Variants in SUGP2 observed in about 807,000 individuals in gnomAD.
SUGP2 encodes the protein SURP and G-patch domain-containing protein 2.
In SUGP2, 24 loss-of-function variants were observed where a neutral mutation model predicts 90.5. That is an observed-to-expected ratio of 0.27 (90% confidence interval 0.19 to 0.37). The LOEUF (loss-of-function observed/expected upper bound fraction) is 0.37. Ranked by LOEUF, SUGP2 falls within the 10% of genes least tolerant of loss-of-function variation. SUGP2 has a pLI of 1.00. For missense variants in SUGP2, 1,233 were observed against 1,363.3 expected (o/e 0.90, Z 1.51); for synonymous variants, 473 against 513.4 (o/e 0.92, Z 1.06).
At chr19:18,994,198 A>C (rs2057477322) in intron 10 of SUGP2, 168 bp downstream of exon 10, 1 of 905,932 alleles carries the variant, frequency 1.1e-6, no homozygotes, top group Admixed American at 2.3e-5. Flanking sequence ...AGAATGGGGC[A>C]TATCCACATC....
chr19:18,999,199 A>C (rs922652293), intron 8 of SUGP2, among the ~76,000 whole-genome samples: 12 of 152,128 alleles, frequency 7.9e-5, no homozygotes, highest in African/African-American at 2.9e-4. Context: ...GCTGGAGGAA[A>C]GCCAAGCCCT....
chr19:19,014,161 T>A (rs1237023898), intron 4 of SUGP2, among the ~76,000 whole-genome samples: 2 of 152,154 alleles, frequency 1.3e-5, no homozygotes, highest in African/African-American at 4.8e-5. Context: ...GCCCAGCTAA[T>A]TTTTTATTTT....
Position 19,009,918 on chromosome 19 carries a change from T to C in SUGP2, c.2275A>G (p.Lys759Glu). The stretch of plus-strand genomic sequence containing the variant: ...TCAGAGATGTCCACTCCTGCTGGCT[T>C]GGGGGATGGGCCTGAGGCTTCTAAG... ...PSLEASGPSP[K>E]PAGVDISEAP... The change falls in exon 5 of 11, where the codon AAG becomes GAG. Residue 759 changes from lysine (K) to glutamate (E), a missense_variant. Transcript: ENST00000452918. 1 of 1,614,036 alleles carries C rather than the reference T, an allele frequency of 6.2e-7. No homozygotes were observed. Among genetic ancestry groups the C allele is most frequent in the Non-Finnish European group, 8.5e-7 (1 of 1,179,968 alleles).
intron 2 of SUGP2, among the ~76,000 whole-genome samples, chr19:19,029,443 CTT>C (rs1275537915): frequency 4.0e-5 from 5 of 126,350 alleles, no homozygotes; most frequent in Admixed American, 8.3e-5. Context: ...CATTTTTTTT[CTT>C]TTTTTTTTTT....
At chr19:19,015,420 C>T (rs751565630) in intron 4 of SUGP2, among the ~76,000 whole-genome samples, 1 of 152,168 alleles carries the variant, frequency 6.6e-6, no homozygotes, top group African/African-American at 2.4e-5. Context: ...CAAACATGCA[C>T]ACCAGAAACC....
chr19:18,999,328 G>A (rs1299731227), intron 8 of SUGP2, among the ~76,000 whole-genome samples: 1 of 152,168 alleles, frequency 6.6e-6, no homozygotes, highest in Non-Finnish European at 1.5e-5. Context: ...AGCATGTGCA[G>A]GACACCCACC....
At position 19,031,042 on chromosome 19, in the gene SUGP2, A is replaced by G. The variant is rs2059130901; in HGVS notation, c.30T>C (p.Thr10=). MAARRITQE[T]FDAVLQEKAK... ...CTTTTTCTTGTAATACAGCATCAAAAGTCTCCTGTGTAATTCGTCTGGCTG... is the reference window on the plus strand; with the variant it reads ...CTTTTTCTTGTAATACAGCATCAAAGGTCTCCTGTGTAATTCGTCTGGCTG... The change falls in exon 2 of 11, where the codon ACT becomes ACC. Residue 10 remains threonine (T), a synonymous_variant. Coordinates refer to ENST00000452918, the MANE Select transcript of SUGP2 (RefSeq NM_001017392.5). 1 of 1,613,768 alleles carries G rather than the reference A, an allele frequency of 6.2e-7. No individual in the cohort carries two copies. The highest frequency in any genetic ancestry group is 1.3e-5 in the African/African-American group (1 of 74,906).
chr19:19,023,080 C>T (rs953909260), intron 3 of SUGP2, among the ~76,000 whole-genome samples: 4 of 152,144 alleles, frequency 2.6e-5, no homozygotes, highest in African/African-American at 9.7e-5. Flanking sequence ...TCCTCCTTGG[C>T]CTTTTCCTCT....
chr19:18,996,528 G>A (rs1387168375), intron 8 of SUGP2, among the ~76,000 whole-genome samples: 1 of 151,778 alleles, frequency 6.6e-6, no homozygotes, highest in Non-Finnish European at 1.5e-5. Flanking sequence ...TGGAACTATA[G>A]GTATGTGCCA....
intron 8 of SUGP2, among the ~76,000 whole-genome samples, chr19:18,996,609 G>A (rs1448987035): frequency 6.6e-6 from 1 of 151,930 alleles, no homozygotes; most frequent in Non-Finnish European, 1.5e-5. Context: ...CTGGAGTGCA[G>A]TGATGCAATC....
intron 3 of SUGP2, among the ~76,000 whole-genome samples, 166 bp from the exon 4 acceptor site, chr19:19,019,395 T>C (rs1438285137): frequency 6.6e-6 from 1 of 152,064 alleles, no homozygotes; most frequent in Non-Finnish European, 1.5e-5. Context: ...ACAACCAATA[T>C]GGAAAATCTC....
intron 8 of SUGP2, among the ~76,000 whole-genome samples, chr19:18,999,597 C>A (rs2057750437): frequency 6.6e-6 from 1 of 152,218 alleles, no homozygotes. Flanking sequence ...TCAGTAAGGA[C>A]TATGAGCTCT....
chr19:19,017,687 G>A (rs889812189), intron 4 of SUGP2, among the ~76,000 whole-genome samples: 1 of 152,002 alleles, frequency 6.6e-6, no homozygotes, highest in Non-Finnish European at 1.5e-5. Flanking sequence ...CACAAGAATT[G>A]CTTGAACCTG....
chr19:18,999,644 G>C (rs2057752465), intron 8 of SUGP2, among the ~76,000 whole-genome samples: 1 of 152,138 alleles, frequency 6.6e-6, no homozygotes, highest in Admixed American at 6.5e-5. Flanking sequence ...CCATAATTGG[G>C]GTCAGACTGA....
intron 2 of SUGP2, 117 bp from the exon 3 acceptor site, chr19:19,026,343 C>T (rs1026131943): frequency 5.1e-6 from 5 of 971,386 alleles, no homozygotes; most frequent in South Asian, 1.9e-5. Flanking sequence ...CTGCTTTATA[C>T]ACCTCAGTGC....
At chr19:19,004,039 G>T in intron 7 of SUGP2, 129 bp downstream of exon 7, 2 of 706,638 alleles carry the variant, frequency 2.8e-6, no homozygotes, top group Non-Finnish European at 4.7e-6. Flanking sequence ...CATGAGTGTC[G>T]GCTCACATTT....
intron 4 of SUGP2, among the ~76,000 whole-genome samples, chr19:19,015,653 G>A (rs2058472451): frequency 6.6e-6 from 1 of 152,220 alleles, no homozygotes; most frequent in South Asian, 2.1e-4. Flanking sequence ...ACAGGCGCCT[G>A]TCACCATGCC....
chr19:18,991,142 C>A lies in SUGP2; in HGVS notation c.*2599G>T, dbSNP rs895317787. ...ATGCCTGTTGTCCTCTCGGGGGTGA[C>A]CCTGGAACTAGAACGACAGAAAAGA... On this transcript the variant is annotated 3_prime_UTR_variant, in exon 11 of 11. Transcript: ENST00000452918. 5 of 152,088 alleles carry A rather than the reference C, an allele frequency of 3.3e-5. No individual in the cohort carries two copies. The highest frequency in any genetic ancestry group is 1.2e-4 in the African/African-American group (5 of 41,400). The allele number at this position is 152,088 out of a possible 1,614,324, so 9.4% of individuals were successfully genotyped here. A position where few individuals can be genotyped will look rare whatever the true frequency, so the allele number is the denominator to read the frequency against.
intron 4 of SUGP2, among the ~76,000 whole-genome samples, chr19:19,014,453 G>A (rs1326795000): frequency 6.6e-6 from 1 of 152,050 alleles, no homozygotes; most frequent in Non-Finnish European, 1.5e-5. Flanking sequence ...GAGATAAGAA[G>A]CCCTTCTTAT....
Sources: gnomAD v4.1 joint callset for allele counts (sites outside exome capture counted in the v4.1 genomes callset) on GRCh38, gnomAD v4.1.1 for gene constraint, MANE v1.5 for transcripts, NCBI Gene and HGNC (gene_info 2026-07-23, HGNC 2026-07-21) for gene names.